ERBIN: variants seen among roughly 807,000 people sequenced by gnomAD.
ERBIN encodes erbb2 interacting protein.
Under a neutral mutation model 158.4 loss-of-function variants are expected in ERBIN, and 60 were observed. The observed-to-expected ratio is 0.38, with a 90% confidence interval of 0.31 to 0.47. ERBIN has a LOEUF of 0.47. Ranked by LOEUF, ERBIN falls within the 20% of genes least tolerant of loss-of-function variation. ERBIN has a pLI of 0.99. For missense variants in ERBIN, 1,610 were observed against 1,648.0 expected, an observed-to-expected ratio of 0.98 and a Z score of 0.40; for synonymous variants, 594 against 557.2, an observed-to-expected ratio of 1.07 and a Z score of -0.93.
At chr5:66,077,457 G>A (rs1483101431) in intron 25 of ERBIN, among the ~76,000 whole-genome samples, 4 of 149,416 alleles carry the variant, frequency 2.7e-5, no homozygotes, top group Non-Finnish European at 5.9e-5. Context: ...GAGAACTAAA[G>A]AACTTAAAAA....
intron 1 of ERBIN, among the ~76,000 whole-genome samples, chr5:65,963,026 A>G (rs532936359): frequency 3.3e-5 from 5 of 152,286 alleles, no homozygotes; most frequent in African/African-American, 1.2e-4. Flanking sequence ...CAAAATATAC[A>G]TTTGTCTCAT....
intron 4 of ERBIN, among the ~76,000 whole-genome samples, chr5:66,002,280 T>A (rs1268282673): frequency 6.6e-6 from 1 of 152,210 alleles, no homozygotes; most frequent in East Asian, 1.9e-4. Flanking sequence ...AAACATAATG[T>A]GTGCATGTAC....
At chr5:66,032,492 C>T (rs1756988534) in intron 14 of ERBIN, among the ~76,000 whole-genome samples, 1 of 152,146 alleles carries the variant, frequency 6.6e-6, no homozygotes, top group Admixed American at 6.5e-5. Flanking sequence ...GACATTTGTT[C>T]ATTCTAGTCA....
At chr5:65,963,763 G>A (rs1286669542) in intron 1 of ERBIN, among the ~76,000 whole-genome samples, 6 of 149,734 alleles carry the variant, frequency 4.0e-5, no homozygotes, top group South Asian at 4.2e-4. Context: ...AGTGATTTGC[G>A]TTTTTGGTAT....
intron 4 of ERBIN, among the ~76,000 whole-genome samples, chr5:65,997,239 G>A (rs1474667655): frequency 6.6e-6 from 1 of 152,148 alleles, no homozygotes; most frequent in African/African-American, 2.4e-5. Context: ...GTGAGCTGTG[G>A]GTTTGTCACA....
chr5:66,060,075 C>T (rs938350297), intron 21 of ERBIN, among the ~76,000 whole-genome samples: 1 of 152,206 alleles, frequency 6.6e-6, no homozygotes, highest in Admixed American at 6.5e-5. Flanking sequence ...GGAGGATTCC[C>T]TCTTTTTCTG....
chr5:66,011,274 C>T (rs1754166389), intron 4 of ERBIN, among the ~76,000 whole-genome samples: 1 of 152,186 alleles, frequency 6.6e-6, no homozygotes, highest in Non-Finnish European at 1.5e-5. Context: ...GACAGTGCTG[C>T]CTTCAGGCAT....
intron 1 of ERBIN, among the ~76,000 whole-genome samples, chr5:65,957,508 C>G (rs553825375): frequency 6.6e-6 from 1 of 151,996 alleles, no homozygotes; most frequent in Non-Finnish European, 1.5e-5. Flanking sequence ...AGACACAGCA[C>G]GTTTCAGAGA....
rs1459156292 is a variant in ERBIN, at chr5:66,072,255, T to G, written c.3720T>G (p.Leu1240=). The change falls in exon 22 of 26, where the codon CTT becomes CTG. Residue 1240 remains leucine (L), a synonymous_variant. Transcript: ENST00000284037. Reference sequence around the variant, plus strand: ...AGCAGAACTACTCATCAGCCACACTTAGTCACAAAGATGTTCCTCCAGACA... The same window carrying G: ...AGCAGAACTACTCATCAGCCACACTGAGTCACAAAGATGTTCCTCCAGACA... ...SGQQNYSSAT[L]SHKDVPPDSL... is the part of the protein sequence containing the mutation. 6.4e-7 allele frequency: 1 copy of G among 1,550,462 alleles called. No individual in the cohort carries two copies. The highest frequency in any genetic ancestry group is 1.2e-5 in the South Asian group (1 of 84,056).
intron 21 of ERBIN, among the ~76,000 whole-genome samples, chr5:66,064,160 A>G (rs1760752683): frequency 6.6e-6 from 1 of 152,218 alleles, no homozygotes; most frequent in Admixed American, 6.5e-5. Flanking sequence ...GGGATTATTC[A>G]ACAAACAGTG....
At chr5:65,958,607 CGTGGAA>C (rs1747548641) in intron 1 of ERBIN, among the ~76,000 whole-genome samples, 1 of 118,736 alleles carries the variant, frequency 8.4e-6, no homozygotes, top group South Asian at 2.8e-4. Flanking sequence ...AGAGGGAGAC[CGTGGAA>C]GGAGAGGGAG....
In ERBIN at chr5:66,025,985, A is replaced by G. The variant is rs374136182; in HGVS notation, c.1020+8A>G. The G allele has an allele frequency of 2.3e-4, 356 of 1,571,870 alleles. No homozygotes were observed. Among genetic ancestry groups the G allele is most frequent in the Non-Finnish European group, 2.8e-4 (332 of 1,165,312 alleles). On this transcript the variant is annotated splice_region_variant and intron_variant, in intron 12 of 25. Coordinates refer to ENST00000284037, the MANE Select transcript of ERBIN (RefSeq NM_001253697.2). ...CAGCAGTTGCCCCCAGAGGTAATGTATTTTAGATTTGTTTAGATTTTTGTC... is the reference window on the plus strand; with the variant it reads ...CAGCAGTTGCCCCCAGAGGTAATGTGTTTTAGATTTGTTTAGATTTTTGTC...
intron 4 of ERBIN, among the ~76,000 whole-genome samples, chr5:66,005,800 T>C (rs1369743917): frequency 2.0e-5 from 3 of 152,186 alleles, no homozygotes; most frequent in African/African-American, 7.2e-5. Flanking sequence ...TCACAATTGC[T>C]TCAAAGGGAA....
rs1561380518 is a variant in ERBIN at position 66,018,493 on chromosome 5, TATATA to T, written c.534-2823_534-2819del. ...ATATATTATATATTATATATTATAT[TATATA>T]ATATATATTATATATTATATAATAT... On this transcript the variant is annotated intron_variant, in intron 7 of 25. Transcript: ENST00000284037. 3.6e-3 allele frequency among the ~76,000 whole-genome samples: 9 copies of T among 2,472 alleles called. 3 individuals carry two copies. The highest frequency in any genetic ancestry group is 0.012 in the African/African-American group (9 of 766). The allele number at this position is 2,472 out of a possible 152,430, so 1.6% of individuals were successfully genotyped here.
At position 66,053,565 on chromosome 5, in the gene ERBIN, C is replaced by G; in HGVS notation, c.2247C>G (p.Asp749Glu). 1.2e-6 allele frequency: 2 copies of G among 1,611,018 alleles called. No homozygotes were observed. Among genetic ancestry groups the G allele is most frequent in the Non-Finnish European group, 1.7e-6 (2 of 1,179,216 alleles). ...TAGTTCTAATTGAGAAAAGTGTTGA[C>G]TCAACAGCCACAGCTGATGACACTC... ...ERLVLIEKSVDSTATADDTHK... is the reference protein window; with the variant it reads ...ERLVLIEKSVESTATADDTHK... Residue 749 changes from aspartate to glutamate, a missense_variant, in exon 21 of 26, where the codon GAC becomes GAG. This residue lies in a region of ERBIN where 1,014 missense variants were observed against 936.1 expected (regional missense o/e 1.08). Coordinates refer to ENST00000284037, the MANE Select transcript of ERBIN (RefSeq NM_001253697.2).
chr5:66,018,501 ATATATTATATATTATATAATATATAT>A lies in ERBIN; in HGVS notation c.534-2809_534-2784del, dbSNP rs1310728678. ...TATATTATATATTATATTATATAAT[ATATATTATATATTATATAATATATAT>A]TATATTATATAATATATATTATATA... On this transcript the variant is annotated intron_variant, in intron 7 of 25. Transcript: ENST00000284037. 3.0e-4 allele frequency among the ~76,000 whole-genome samples: 3 copies of A among 10,140 alleles called. 1 individual carries two copies. The highest frequency in any genetic ancestry group is 1.1e-3 in the African/African-American group (2 of 1,816). 6.7% of individuals were successfully genotyped at this position (10,140 alleles called of 152,430 possible).
chr5:66,016,211 A>G (rs1001966565), intron 7 of ERBIN, among the ~76,000 whole-genome samples: 1 of 152,228 alleles, frequency 6.6e-6, no homozygotes, highest in Non-Finnish European at 1.5e-5. Flanking sequence ...AAAGATATGT[A>G]TACATTACAG....
intron 21 of ERBIN, among the ~76,000 whole-genome samples, chr5:66,057,886 A>G (rs1273137971): frequency 2.0e-5 from 3 of 150,358 alleles, no homozygotes; most frequent in African/African-American, 5.0e-5. Context: ...TGAACTTATC[A>G]TTTTTTATGG....
Position 66,062,889 on chromosome 5 carries a change from A to T in ERBIN, c.3633+7938A>T, listed in dbSNP as rs1229291621. Among the ~76,000 whole-genome samples, 3 of 152,142 alleles carry T rather than the reference A, an allele frequency of 2.0e-5. No individual in the cohort carries two copies. The East Asian group carries it at 5.8e-4, about 29-fold the overall frequency. ...GAACCGCAAATGCTGCTGCCTGATCATTCCTCTGGAAGTTTTGTCTCAGAG... is the reference window on the plus strand; with the variant it reads ...GAACCGCAAATGCTGCTGCCTGATCTTTCCTCTGGAAGTTTTGTCTCAGAG... On this transcript the variant is annotated intron_variant, in intron 21 of 25. Transcript: ENST00000284037.
Sources: allele counts gnomAD v4.1 joint callset (sites outside exome capture counted in the v4.1 genomes callset), GRCh38; gene constraint gnomAD v4.1.1; regional missense constraint gnomAD v4.1.1; transcripts MANE v1.5; gene names NCBI Gene and HGNC (gene_info 2026-07-23, HGNC 2026-07-21).